Variants in UST observed in about 807,000 individuals in gnomAD.
UST encodes uronyl 2-sulfotransferase.
UST carries 21 observed loss-of-function variants against 45.6 expected under a neutral mutation model. That is an observed-to-expected ratio of 0.46 (90% confidence interval 0.33 to 0.66). The LOEUF (loss-of-function observed/expected upper bound fraction) is 0.66. UST is among the 30% of genes least tolerant of loss of function. The probability of loss-of-function intolerance (pLI) is 0.02; values close to 1 mark genes in which losing one functional copy is unlikely to be tolerated. For missense variants in UST, 463 were observed against 512.4 expected (o/e 0.90, Z 0.93); for synonymous variants, 215 against 200.6 (o/e 1.07, Z -0.61).
chr6:148,801,455 T>C (rs1249920471), intron 1 of UST, among the ~76,000 whole-genome samples: 1 of 152,172 alleles, frequency 6.6e-6, no homozygotes, highest in Non-Finnish European at 1.5e-5. Context: ...GGCAGTGAGC[T>C]TCCAATTATG....
chr6:149,067,826 T>C (rs1001978276), intron 7 of UST, among the ~76,000 whole-genome samples: 8 of 152,222 alleles, frequency 5.3e-5, no homozygotes, highest in Admixed American at 2.0e-4. Flanking sequence ...TCACCAGAAG[T>C]CTGTCGTTTT....
intron 1 of UST, among the ~76,000 whole-genome samples, chr6:148,757,682 T>C (rs890819700): frequency 1.3e-5 from 2 of 152,252 alleles, no homozygotes; most frequent in Non-Finnish European, 2.9e-5. Context: ...TTAACTGTAC[T>C]GCATTTCTGG....
At chr6:149,047,705 A>T (rs1007011288) in intron 7 of UST, among the ~76,000 whole-genome samples, 4 of 152,244 alleles carry the variant, frequency 2.6e-5, no homozygotes, top group African/African-American at 9.6e-5. Context: ...AAGAGGACAG[A>T]CCATGTTCAT....
At chr6:148,770,634 C>T (rs549450178) in intron 1 of UST, among the ~76,000 whole-genome samples, 6 of 152,260 alleles carry the variant, frequency 3.9e-5, no homozygotes, top group African/African-American at 7.2e-5. Flanking sequence ...CTAGGGCAGG[C>T]GTCTGATACA....
At chr6:148,981,145 A>T (rs531769439) in intron 5 of UST, among the ~76,000 whole-genome samples, 1 of 152,170 alleles carries the variant, frequency 6.6e-6, no homozygotes, top group Non-Finnish European at 1.5e-5. Flanking sequence ...CCAGTTGCCC[A>T]TGTGCTTTAC....
At position 149,003,297 on chromosome 6, in the gene UST, T is replaced by C. The variant is rs143705440; in HGVS notation, c.682-15842T>C. On this transcript the variant is annotated intron_variant, in intron 5 of 7. Transcript: ENST00000367463. ...TAATCAATGGCATTAAAGATAATAATAGCTCTCTCCCACCCCTTTTTCCTC... is the reference window on the plus strand; with the variant it reads ...TAATCAATGGCATTAAAGATAATAACAGCTCTCTCCCACCCCTTTTTCCTC... Among the ~76,000 whole-genome samples the C allele has an allele frequency of 7.7e-4, 117 of 152,338 alleles. No homozygotes were observed. The South Asian group carries it at 0.016, about 21-fold the overall frequency.
At chr6:149,068,908 C>A (rs755138656) in intron 7 of UST, among the ~76,000 whole-genome samples, 41 of 152,338 alleles carry the variant, frequency 2.7e-4, no homozygotes, top group Non-Finnish European at 4.7e-4. Context: ...ACCCAGACAT[C>A]CTTCCCAGCC....
chr6:148,849,064 C>G (rs1462417299), intron 1 of UST, among the ~76,000 whole-genome samples: 4 of 152,142 alleles, frequency 2.6e-5, no homozygotes, highest in Non-Finnish European at 5.9e-5. Flanking sequence ...TTTGCCCTTC[C>G]TCCTCCTTTT....
chr6:148,993,008 A>G (rs1031120761), intron 5 of UST: 3 of 985,328 alleles, frequency 3.0e-6, no homozygotes, highest in Non-Finnish European at 3.6e-6. Context: ...CTCAGCATTC[A>G]AGGCTAATAA....
At chr6:149,056,117 C>CTTTTTTTTTTTTTTTTTT (rs34191810) in intron 7 of UST, among the ~76,000 whole-genome samples, 20 of 81,084 alleles carry the variant, frequency 2.5e-4, no homozygotes, top group Non-Finnish European at 3.2e-4. Flanking sequence ...CTTTTCTTTT[C>CTTTTTTTTTTTTTTTTTT]TTTTTTTTTT....
chr6:148,756,361 C>G (rs1020418276), intron 1 of UST, among the ~76,000 whole-genome samples: 1 of 152,138 alleles, frequency 6.6e-6, no homozygotes, highest in African/African-American at 2.4e-5. Context: ...TCAATTAAAC[C>G]TCTTTCCTTT....
At chr6:148,830,864 G>A (rs1285923766) in intron 1 of UST, among the ~76,000 whole-genome samples, 2 of 152,138 alleles carry the variant, frequency 1.3e-5, no homozygotes, top group Non-Finnish European at 2.9e-5. Flanking sequence ...TAATGAGAAA[G>A]TTATGGAGAG....
At chr6:149,043,012 TTTC>T (rs1776342353) in intron 7 of UST, among the ~76,000 whole-genome samples, 1 of 106,884 alleles carries the variant, frequency 9.4e-6, no homozygotes, top group South Asian at 2.7e-4. Flanking sequence ...TCTTTCTTTC[TTTC>T]TTTCTTTTTC....
At position 148,937,211 on chromosome 6, in the gene UST, G is replaced by C. The variant is rs1341839111; in HGVS notation, c.292-4068G>C. 2.0e-5 allele frequency among the ~76,000 whole-genome samples: 3 copies of C among 152,140 alleles called. No individual in the cohort carries two copies. In the East Asian group the frequency reaches 5.8e-4, roughly 29 times the overall value. On this transcript the variant is annotated intron_variant, in intron 2 of 7. Transcript: ENST00000367463. Reference sequence around the variant, plus strand: ...ATTAGGTGTCTTTAAAACTCACAAGGCTGATTCCAGAAATTTTAGTGAAAA... The same window carrying C: ...ATTAGGTGTCTTTAAAACTCACAAGCCTGATTCCAGAAATTTTAGTGAAAA...
At chr6:148,851,269 A>G (rs772788001) in intron 1 of UST, among the ~76,000 whole-genome samples, 1 of 151,988 alleles carries the variant, frequency 6.6e-6, no homozygotes, top group African/African-American at 2.4e-5. Flanking sequence ...TATGTATAAT[A>G]TATTTGTATA....
chr6:148,876,326 C>T (rs944096888), intron 1 of UST, among the ~76,000 whole-genome samples: 1 of 152,190 alleles, frequency 6.6e-6, no homozygotes, highest in African/African-American at 2.4e-5. Context: ...CCAGGCCCCA[C>T]CTCCAACACC....
intron 7 of UST, among the ~76,000 whole-genome samples, chr6:149,037,310 T>G (rs1181784247): frequency 6.6e-6 from 1 of 152,184 alleles, no homozygotes; most frequent in Non-Finnish European, 1.5e-5. Context: ...ACCACTCCAT[T>G]TGAGTTTTTT....
intron 1 of UST, among the ~76,000 whole-genome samples, chr6:148,841,586 TG>T (rs200704097): frequency 0.082 from 9,135 of 111,216 alleles, 425 homozygotes; most frequent in East Asian, 0.19. Context: ...GTTTTGTTTT[TG>T]TTTTTTTTTT....
intron 1 of UST, among the ~76,000 whole-genome samples, chr6:148,798,078 AT>A (rs1233278993): frequency 6.6e-6 from 1 of 152,116 alleles, no homozygotes; most frequent in Non-Finnish European, 1.5e-5. Context: ...TGTGCAAGAG[AT>A]TGAGGTGGAG....
Sources: gnomAD v4.1 joint callset for allele counts (sites outside exome capture counted in the v4.1 genomes callset) on GRCh38, gnomAD v4.1.1 for gene constraint, MANE v1.5 for transcripts, NCBI Gene and HGNC (gene_info 2026-07-23, HGNC 2026-07-21) for gene names.